Variants in GPC6 observed in about 807,000 individuals in gnomAD.
GPC6 encodes glypican-6.
A neutral mutation model predicts 55.2 loss-of-function variants in GPC6; 14 were observed. The ratio of observed to expected loss-of-function variants is 0.25; its 90% CI spans 0.17 to 0.40. The LOEUF (loss-of-function observed/expected upper bound fraction) is 0.40. GPC6 is among the 10% of genes least tolerant of loss of function. The pLI, the probability that GPC6 is intolerant of heterozygous loss-of-function variation, is 1.00. For missense variants in GPC6, 641 were observed against 708.5 expected (o/e 0.90, Z 1.08); for synonymous variants, 278 against 259.6 (o/e 1.07, Z -0.68).
At chr13:94,050,433 G>A (rs1162904037) in intron 4 of GPC6, among the ~76,000 whole-genome samples, 2 of 152,126 alleles carry the variant, frequency 1.3e-5, no homozygotes, top group East Asian at 3.9e-4. Context: ...TAGCAGTACT[G>A]TCCTTGTTAT....
chr13:94,086,796 T>G (rs953730389), intron 4 of GPC6, among the ~76,000 whole-genome samples: 1 of 152,204 alleles, frequency 6.6e-6, no homozygotes, highest in Non-Finnish European at 1.5e-5. Flanking sequence ...ATAATCTTTT[T>G]AAAAAGCTTT....
intron 1 of GPC6, among the ~76,000 whole-genome samples, chr13:93,424,237 G>A (rs1594159829): frequency 6.6e-6 from 1 of 152,080 alleles, no homozygotes. Flanking sequence ...GAGGCCATCT[G>A]CCTCTGTGAT....
At chr13:94,114,644 A>G (rs1886370155) in intron 4 of GPC6, among the ~76,000 whole-genome samples, 1 of 152,258 alleles carries the variant, frequency 6.6e-6, no homozygotes, top group East Asian at 1.9e-4. Context: ...AGTTTAAGCT[A>G]TGACATACAA....
intron 4 of GPC6, among the ~76,000 whole-genome samples, chr13:94,259,329 G>A (rs1891591530): frequency 6.6e-6 from 1 of 152,188 alleles, no homozygotes; most frequent in Non-Finnish European, 1.5e-5. Flanking sequence ...CTGGGCTGAA[G>A]TGTATTTGGT....
chr13:93,837,414 C>T (rs1343015030), intron 3 of GPC6, among the ~76,000 whole-genome samples: 2 of 152,162 alleles, frequency 1.3e-5, no homozygotes, highest in African/African-American at 4.8e-5. Flanking sequence ...AAACTTCTGT[C>T]TTCTACAATC....
chr13:93,412,179 A>C (rs1477724050), intron 1 of GPC6, among the ~76,000 whole-genome samples: 1 of 152,116 alleles, frequency 6.6e-6, no homozygotes, highest in East Asian at 1.9e-4. Flanking sequence ...TAGAAGGGAA[A>C]TGGGTGACTA....
chr13:93,667,052 G>C (rs183630130), intron 2 of GPC6, among the ~76,000 whole-genome samples: 1 of 152,190 alleles, frequency 6.6e-6, no homozygotes, highest in Admixed American at 6.5e-5. Context: ...CATGTGTTCA[G>C]TCTGTCTCTC....
chr13:93,668,670 C>G (rs931850745), intron 2 of GPC6, among the ~76,000 whole-genome samples: 4 of 152,092 alleles, frequency 2.6e-5, no homozygotes, highest in African/African-American at 7.2e-5. Context: ...GCCAAGCAAC[C>G]CCTGGAGCCC....
chr13:93,406,596 C>T (rs1187461844), intron 1 of GPC6, among the ~76,000 whole-genome samples: 1 of 152,080 alleles, frequency 6.6e-6, no homozygotes, highest in Non-Finnish European at 1.5e-5. Context: ...TAACATAAAC[C>T]ACTGAATAAC....
At chr13:93,842,443 A>G (rs1887987025) in intron 3 of GPC6, among the ~76,000 whole-genome samples, 1 of 152,200 alleles carries the variant, frequency 6.6e-6, no homozygotes, top group Non-Finnish European at 1.5e-5. Flanking sequence ...AGGATGGAAG[A>G]TAGAATCCAG....
chr13:93,776,188 T>C (rs1195860726), intron 2 of GPC6, among the ~76,000 whole-genome samples: 4 of 152,144 alleles, frequency 2.6e-5, no homozygotes, highest in African/African-American at 7.2e-5. Flanking sequence ...CTCAATGTTG[T>C]ACTTTACAAA....
intron 1 of GPC6, among the ~76,000 whole-genome samples, chr13:93,442,070 A>C (rs1594172294): frequency 1.3e-5 from 2 of 152,184 alleles, no homozygotes; most frequent in Admixed American, 1.3e-4. Context: ...AAATAAAGAC[A>C]TGAATTCACT....
chr13:94,298,915 T>C (rs1566648836), intron 5 of GPC6, among the ~76,000 whole-genome samples: 1 of 152,224 alleles, frequency 6.6e-6, no homozygotes, highest in Non-Finnish European at 1.5e-5. Flanking sequence ...TCATAGACAC[T>C]TGATGAGTGT....
intron 2 of GPC6, among the ~76,000 whole-genome samples, chr13:93,639,641 A>C (rs1477176731): frequency 6.6e-6 from 1 of 152,160 alleles, no homozygotes. Context: ...GAATTAAAGC[A>C]TACAGATTTG....
chr13:93,530,594 C>T (rs765930743), intron 1 of GPC6, among the ~76,000 whole-genome samples: 2 of 151,900 alleles, frequency 1.3e-5, no homozygotes, highest in Non-Finnish European at 2.9e-5. Context: ...CTAGAACCGG[C>T]GCATATTGGT....
chr13:94,286,407 G>A lies in GPC6; in HGVS notation c.936G>A (p.Met312Ile). ...LEGPFNIESV[M>I]DPIDVKISEA... ...GGCCATTCAACATTGAGTCGGTCAT[G>A]GACCCGATAGATGTCAAGATTTCTG... The change falls in exon 5 of 9, where the codon ATG (methionine) becomes ATA (isoleucine). Residue 312 changes from methionine (M) to isoleucine (I), a missense_variant. Physicochemically the swap from Met to Ile is conservative, Grantham distance 10. Coordinates refer to ENST00000377047, the MANE Select transcript of GPC6 (RefSeq NM_005708.5). 6.2e-7 allele frequency: 1 copy of A among 1,613,618 alleles called. No homozygotes were observed. Among genetic ancestry groups the A allele is most frequent in the Non-Finnish European group, 8.5e-7 (1 of 1,179,654 alleles).
chr13:93,703,066 AT>A (rs1043333949), intron 2 of GPC6, among the ~76,000 whole-genome samples: 3 of 151,952 alleles, frequency 2.0e-5, no homozygotes, highest in Non-Finnish European at 4.4e-5. Flanking sequence ...AGCTTTTGAA[AT>A]GCTTACATCA....
chr13:93,726,707 T>C (rs779127881), intron 2 of GPC6, among the ~76,000 whole-genome samples: 2 of 152,050 alleles, frequency 1.3e-5, no homozygotes, highest in Non-Finnish European at 2.9e-5. Context: ...TTTTCTGTGG[T>C]TAGCTAAGTA....
At chr13:94,263,665 C>T (rs1050085223) in intron 4 of GPC6, among the ~76,000 whole-genome samples, 9 of 152,188 alleles carry the variant, frequency 5.9e-5, no homozygotes, top group Non-Finnish European at 1.3e-4. Flanking sequence ...AGTGCAGAAA[C>T]ATTCCCAGGT....
Sources: allele counts gnomAD v4.1 joint callset (sites outside exome capture counted in the v4.1 genomes callset), GRCh38; gene constraint gnomAD v4.1.1; transcripts MANE v1.5; gene names NCBI Gene and HGNC (gene_info 2026-07-23, HGNC 2026-07-21).